Variants in SV2C observed in about 807,000 individuals in gnomAD.
SV2C encodes the protein solute carrier family 22 member B3.
A neutral mutation model predicts 79.7 loss-of-function variants in SV2C; 49 were observed. The observed-to-expected ratio is 0.61, with a 90% CI of 0.49 to 0.78. SV2C has a LOEUF of 0.78. Ranked by LOEUF, SV2C falls within the 30% of genes least tolerant of loss-of-function variation. The pLI is 0.00. For synonymous variants in SV2C, 334 were observed against 333.2 expected (o/e 1.00, Z -0.03); for missense variants, 833 against 912.9 (o/e 0.91, Z 1.13).
At chr5:76,013,504 G>A in the SV2C span, among the ~76,000 whole-genome samples, 1 of 152,080 alleles carries the variant, frequency 6.6e-6, no homozygotes, top group Non-Finnish European at 1.5e-5. Context: ...AGGAGATTTT[G>A]GGCTGAGAAG....
At chr5:76,048,382 G>A in the SV2C span, among the ~76,000 whole-genome samples, 2,411 of 152,210 alleles carry the variant, frequency 0.016, 72 homozygotes, top group African/African-American at 0.054. Flanking sequence ...TTGTATTCAG[G>A]CCCTCAACAG....
the SV2C span, among the ~76,000 whole-genome samples, chr5:76,033,921 C>T: frequency 5.3e-5 from 8 of 152,074 alleles, no homozygotes; most frequent in South Asian, 2.1e-4. Flanking sequence ...TCTTTTATTT[C>T]CTTGAGCAGT....
intron 1 of SV2C, among the ~76,000 whole-genome samples, chr5:76,085,794 C>T (rs1294931004): frequency 1.4e-5 from 2 of 144,304 alleles, no homozygotes; most frequent in African/African-American, 2.6e-5. Context: ...ACAAATTTTC[C>T]ATGAATGGAA....
intron 3 of SV2C, among the ~76,000 whole-genome samples, chr5:76,207,165 CAA>C (rs34587990): frequency 2.1e-5 from 3 of 143,372 alleles, no homozygotes; most frequent in Non-Finnish European, 1.5e-5. Flanking sequence ...AGCCACACTG[CAA>C]AAAAAAAAAA....
At chr5:75,903,308 T>G in the SV2C span, among the ~76,000 whole-genome samples, 2,490 of 151,830 alleles carry the variant, frequency 0.016, 35 homozygotes, top group African/African-American at 0.043. Flanking sequence ...TCCAAGATTA[T>G]GAAAGGTGAT....
At chr5:75,883,488 C>A in the SV2C span, among the ~76,000 whole-genome samples, 2 of 143,608 alleles carry the variant, frequency 1.4e-5, no homozygotes, top group Admixed American at 1.4e-4. Context: ...CACATATACA[C>A]CATGGAATAC....
the SV2C span, among the ~76,000 whole-genome samples, chr5:75,955,859 C>T: frequency 6.6e-6 from 1 of 151,986 alleles, no homozygotes; most frequent in African/African-American, 2.4e-5. Flanking sequence ...CCATCTCATA[C>T]CAGTTAGAAT....
the SV2C span, among the ~76,000 whole-genome samples, chr5:75,859,838 C>A: frequency 3.3e-5 from 5 of 152,204 alleles, no homozygotes; most frequent in African/African-American, 1.2e-4. Context: ...GAAACCGCCA[C>A]TGCTATACAT....
At chr5:75,955,686 A>G in the SV2C span, among the ~76,000 whole-genome samples, 3 of 149,258 alleles carry the variant, frequency 2.0e-5, no homozygotes, top group African/African-American at 7.5e-5. Context: ...AATGAACTCA[A>G]ACAAATTTAC....
chr5:76,231,948 T>C lies in SV2C; in HGVS notation c.913+22061T>C, dbSNP rs1302394026. 1.4e-5 allele frequency among the ~76,000 whole-genome samples: 2 copies of C among 144,122 alleles called. 1 individual carries two copies. The highest frequency in any genetic ancestry group is 5.9e-5 in the African/African-American group (2 of 33,748). 94.5% of individuals were successfully genotyped at this position (144,122 alleles called of 152,430 possible). On this transcript the variant is annotated intron_variant, in intron 4 of 12. Transcript: ENST00000502798. ...CATGATTTATAATCCTTTGGGTATA[T>C]ACCAAGTAATGGGATGGCTGAGTCA...
chr5:75,928,878 T>G, the SV2C span, among the ~76,000 whole-genome samples: 2 of 152,154 alleles, frequency 1.3e-5, no homozygotes, highest in Admixed American at 1.3e-4. Context: ...ATGGGAGAAC[T>G]GGAGGAAATG....
intron 2 of SV2C, among the ~76,000 whole-genome samples, chr5:76,146,823 C>CAA (rs1749449157): frequency 1.8e-5 from 2 of 109,438 alleles, no homozygotes; most frequent in African/African-American, 3.6e-5. Context: ...AAAAAAAAGC[C>CAA]AAACAAAACA....
chr5:76,055,317 G>A, the SV2C span, among the ~76,000 whole-genome samples: 4 of 152,090 alleles, frequency 2.6e-5, no homozygotes, highest in Non-Finnish European at 5.9e-5. Flanking sequence ...GTAGATGTGT[G>A]GTATGATTTC....
intron 1 of SV2C, among the ~76,000 whole-genome samples, chr5:76,128,189 T>G (rs948784513): frequency 6.6e-6 from 1 of 152,348 alleles, no homozygotes; most frequent in South Asian, 2.1e-4. Flanking sequence ...TTGCCTACTT[T>G]CCTGCCGTCC....
the SV2C span, among the ~76,000 whole-genome samples, chr5:76,014,470 T>C: frequency 6.6e-6 from 1 of 152,164 alleles, no homozygotes; most frequent in Admixed American, 6.5e-5. Flanking sequence ...GAAAAAAAAA[T>C]TCTGTTTTCA....
the SV2C span, among the ~76,000 whole-genome samples, chr5:76,007,858 T>C: frequency 6.6e-6 from 1 of 152,166 alleles, no homozygotes; most frequent in Non-Finnish European, 1.5e-5. Context: ...AGAGCATAAC[T>C]ATTAAGAGTA....
chr5:76,189,504 GTCTGGTAATTA>G (rs1414654407), intron 2 of SV2C, among the ~76,000 whole-genome samples: 2 of 152,158 alleles, frequency 1.3e-5, no homozygotes, highest in Admixed American at 1.3e-4. Context: ...ACTAAATCAG[GTCTGGTAATTA>G]GTTGGTTAGT....
At chr5:76,210,192 C>T (rs59384594) in intron 4 of SV2C, among the ~76,000 whole-genome samples, 65,894 of 152,028 alleles carry the variant, frequency 0.43, 15,769 homozygotes, top group East Asian at 0.92. Flanking sequence ...AATTCTCCAA[C>T]AGCTGGGTGT....
At chr5:75,967,255 G>T in the SV2C span, among the ~76,000 whole-genome samples, 1 of 152,176 alleles carries the variant, frequency 6.6e-6, no homozygotes, top group Non-Finnish European at 1.5e-5. Flanking sequence ...TGACACAGAA[G>T]ACGGGTGATT....
Sources: allele counts gnomAD v4.1 joint callset (sites outside exome capture counted in the v4.1 genomes callset), GRCh38; gene constraint gnomAD v4.1.1; transcripts MANE v1.5; gene names NCBI Gene and HGNC (gene_info 2026-07-23, HGNC 2026-07-21).